CREB5: variants seen among roughly 807,000 people sequenced by gnomAD.
CREB5 encodes cAMP responsive element binding protein 5.
Under a neutral mutation model 57.1 loss-of-function variants are expected in CREB5, and 19 were observed. The ratio of observed to expected loss-of-function variants is 0.33; its 90% CI spans 0.23 to 0.49. The LOEUF is 0.49. CREB5 is among the 20% of genes least tolerant of loss of function. CREB5 has a pLI of 0.99. For missense variants in CREB5, 579 were observed against 671.6 expected (o/e 0.86, Z 1.52); for synonymous variants, 238 against 238.3 (o/e 1.00, Z 0.01).
chr7:28,322,425 A>T (rs1785509775), intron 1 of CREB5, among the ~76,000 whole-genome samples: 1 of 152,130 alleles, frequency 6.6e-6, no homozygotes, highest in Non-Finnish European at 1.5e-5. Flanking sequence ...ATTAAATTTA[A>T]TTTTTTTATT....
At chr7:28,491,154 G>A (rs1791787266) in intron 2 of CREB5, 1 of 948,718 alleles carries the variant, frequency 1.1e-6, no homozygotes, top group Non-Finnish European at 1.3e-6. Context: ...AGGCAGTGAC[G>A]GGAAGCGGAG....
intron 1 of CREB5, among the ~76,000 whole-genome samples, chr7:28,398,731 A>G (rs951194644): frequency 6.6e-6 from 1 of 152,148 alleles, no homozygotes; most frequent in African/African-American, 2.4e-5. Context: ...ATTATTTTTG[A>G]GACAGGGTTT....
intron 7 of CREB5, among the ~76,000 whole-genome samples, chr7:28,768,984 A>G (rs761034557): frequency 6.6e-6 from 1 of 152,258 alleles, no homozygotes; most frequent in African/African-American, 2.4e-5. Context: ...AAACTCTGTT[A>G]TATAAATGAG....
chr7:28,385,894 G>A (rs1787082626), intron 1 of CREB5, among the ~76,000 whole-genome samples: 1 of 152,040 alleles, frequency 6.6e-6, no homozygotes, highest in South Asian at 2.1e-4. Flanking sequence ...GCCTGGGAGT[G>A]AACCCCGCTG....
chr7:28,503,228 C>T (rs1196597037), intron 3 of CREB5, among the ~76,000 whole-genome samples: 1 of 152,158 alleles, frequency 6.6e-6, no homozygotes, highest in Non-Finnish European at 1.5e-5. Flanking sequence ...CCTGTACCTA[C>T]CAATTTACAG....
At chr7:28,665,594 A>G (rs10280703) in intron 5 of CREB5, among the ~76,000 whole-genome samples, 35,522 of 152,162 alleles carry the variant, frequency 0.23, 4,407 homozygotes, top group Middle Eastern at 0.37. Flanking sequence ...AGGGGGAAAA[A>G]CAGACAAGCA....
At chr7:28,641,741 T>G (rs972014681) in intron 5 of CREB5, among the ~76,000 whole-genome samples, 1 of 152,034 alleles carries the variant, frequency 6.6e-6, no homozygotes, top group Non-Finnish European at 1.5e-5. Flanking sequence ...ATGAGAAGAG[T>G]TGTCACCTCC....
At chr7:28,807,822 A>G (rs1213192873) in intron 8 of CREB5, among the ~76,000 whole-genome samples, 2 of 152,094 alleles carry the variant, frequency 1.3e-5, no homozygotes, top group East Asian at 1.9e-4. Flanking sequence ...GAGAATGAAG[A>G]AGGAGGAAGG....
intron 9 of CREB5, among the ~76,000 whole-genome samples, chr7:28,817,005 G>A (rs1249901077): frequency 2.6e-5 from 4 of 152,022 alleles, no homozygotes; most frequent in Non-Finnish European, 1.5e-5. Context: ...GTAGACAATG[G>A]GTGCCAAGTT....
intron 2 of CREB5, 130 bp from the exon 3 acceptor site, chr7:28,494,775 GT>G (rs77196704): frequency 0.079 from 35,999 of 452,938 alleles, 9 homozygotes; most frequent in East Asian, 0.1. Context: ...TTTTCGAAAT[GT>G]TTTTTTTTTT....
In CREB5 at chr7:28,556,348, G is replaced by A. The variant is rs146539524; in HGVS notation, c.292-14017G>A. Among the ~76,000 whole-genome samples the A allele has an allele frequency of 8.5e-5, 13 of 152,244 alleles. No individual in the cohort carries two copies. In the East Asian group the frequency reaches 2.1e-3, roughly 25 times the overall value. ...TAAAGTGAGACCTGGTTTTCAGGGC[G>A]TGTAACTGGGTTCAGAGGAGCCACG... On this transcript the variant is annotated intron_variant, in intron 4 of 10. Coordinates refer to ENST00000357727, the MANE Select transcript of CREB5 (RefSeq NM_182898.4).
At chr7:28,472,442 A>G (rs966490779) in intron 1 of CREB5, among the ~76,000 whole-genome samples, 9 of 152,224 alleles carry the variant, frequency 5.9e-5, no homozygotes, top group Non-Finnish European at 1.3e-4. Flanking sequence ...GGATAAGTTA[A>G]GTTACCACTC....
At chr7:28,786,526 G>A (rs1430490230) in intron 7 of CREB5, among the ~76,000 whole-genome samples, 1 of 152,098 alleles carries the variant, frequency 6.6e-6, no homozygotes, top group East Asian at 1.9e-4. Flanking sequence ...GGGATTACAG[G>A]TGTGAGCCAC....
At chr7:28,715,178 C>A (rs374612134) in intron 5 of CREB5, among the ~76,000 whole-genome samples, 2 of 152,140 alleles carry the variant, frequency 1.3e-5, no homozygotes, top group African/African-American at 2.4e-5. Flanking sequence ...AAGAAATGAA[C>A]TGTGAATTTT....
At chr7:28,448,849 C>A (rs1418256904) in intron 1 of CREB5, among the ~76,000 whole-genome samples, 1 of 152,182 alleles carries the variant, frequency 6.6e-6, no homozygotes, top group East Asian at 1.9e-4. Context: ...GAAGCCGAGC[C>A]CAGAGGGGTT....
intron 1 of CREB5, among the ~76,000 whole-genome samples, chr7:28,385,976 A>T (rs78981441): frequency 0.039 from 5,934 of 152,244 alleles, 398 homozygotes; most frequent in African/African-American, 0.14. Flanking sequence ...ATATGTATAT[A>T]AATAGACTTA....
chr7:28,673,591 T>C (rs1800155049), intron 5 of CREB5, among the ~76,000 whole-genome samples: 2 of 152,046 alleles, frequency 1.3e-5, no homozygotes, highest in African/African-American at 4.8e-5. Context: ...TTATCCTTTT[T>C]GCCAAGTTTC....
At chr7:28,636,692 A>G (rs1452048311) in intron 5 of CREB5, among the ~76,000 whole-genome samples, 1 of 152,086 alleles carries the variant, frequency 6.6e-6, no homozygotes, top group African/African-American at 2.4e-5. Context: ...ACAACTTGAA[A>G]GTTTGTGTTC....
chr7:28,798,628 CAGG>C (rs530475761), intron 7 of CREB5, among the ~76,000 whole-genome samples: 1,927 of 152,296 alleles, frequency 0.013, 23 homozygotes, highest in Middle Eastern at 0.024. Context: ...GGATAGTGGA[CAGG>C]AGCTGAGAAA....
Sources: gnomAD v4.1 joint callset for allele counts (sites outside exome capture counted in the v4.1 genomes callset) on GRCh38, gnomAD v4.1.1 for gene constraint, MANE v1.5 for transcripts, NCBI Gene and HGNC (gene_info 2026-07-23, HGNC 2026-07-21) for gene names.